ANKRD13C: variants seen among roughly 807,000 people sequenced by gnomAD.
The protein encoded by ANKRD13C is ankyrin repeat domain 13C.
In ANKRD13C, 16 loss-of-function variants were observed where a neutral mutation model predicts 65.5. The ratio of observed to expected loss-of-function variants is 0.24; its 90% CI spans 0.17 to 0.37. The LOEUF (loss-of-function observed/expected upper bound fraction) is 0.37. Among genes scored for constraint, ANKRD13C ranks in the 10% least tolerant of loss-of-function variants. The pLI, the probability that ANKRD13C is intolerant of heterozygous loss-of-function variation, is 1.00. For synonymous variants in ANKRD13C, 235 were observed against 238.7 expected (o/e 0.98, Z 0.14); for missense variants, 503 against 655.9 (o/e 0.77, Z 2.55).
At position 70,270,950 on chromosome 1, in the gene ANKRD13C, C is replaced by T; in HGVS notation, c.1401G>A (p.Leu467=). ...AGGGAGCTACTACTTCTAAAACATTCAATAATCTGAAAAATGGAAGAAGAA... is the reference window on the plus strand; with the variant it reads ...AGGGAGCTACTACTTCTAAAACATTTAATAATCTGAAAAATGGAAGAAGAA... ...QEFPLGIELL[L]NVLEVVAPFK... is the part of the protein sequence containing the mutation. The change falls in exon 12 of 13, where the codon TTG becomes TTA. Residue 467 remains leucine (L), a synonymous_variant. Coordinates refer to ENST00000370944, the MANE Select transcript of ANKRD13C (RefSeq NM_030816.5). The T allele has an allele frequency of 8.8e-6, 14 of 1,598,840 alleles. No homozygotes were observed. The highest frequency in any genetic ancestry group is 1.1e-5 in the Non-Finnish European group (13 of 1,169,248).
chr1:70,313,821 T>A (rs762289024), intron 4 of ANKRD13C, 31 bp from the exon 5 acceptor site: 18 of 1,539,208 alleles, frequency 1.2e-5, no homozygotes, highest in Non-Finnish European at 1.4e-5. Context: ...AATTACTAAA[T>A]GCACCTTAGT....
chr1:70,335,841 A>G (rs1682001722), intron 2 of ANKRD13C, among the ~76,000 whole-genome samples: 1 of 151,676 alleles, frequency 6.6e-6, no homozygotes, highest in Non-Finnish European at 1.5e-5. Flanking sequence ...CATAGTTTCA[A>G]AAGACATAAA....
chr1:70,277,674 G>GAAACAGAGTGTTTTTA lies in ANKRD13C; in HGVS notation c.1216-846_1216-831dup, dbSNP rs1679201141. On this transcript the variant is annotated intron_variant, in intron 9 of 12. Transcript: ENST00000370944. The stretch of plus-strand genomic sequence containing the variant: ...TTGGACTTCAGATTTAAATGAAGAT[G>GAAACAGAGTGTTTTTA]AAACAGAGTGTTTTTAAAACAGAGA... Among the ~76,000 whole-genome samples the GAAACAGAGTGTTTTTA allele has an allele frequency of 3.9e-5, 6 of 152,242 alleles. No individual in the cohort carries two copies. In the South Asian group the frequency reaches 1.2e-3, roughly 32 times the overall value.
At chr1:70,279,391 C>T (rs1679283606) in intron 9 of ANKRD13C, among the ~76,000 whole-genome samples, 1 of 151,972 alleles carries the variant, frequency 6.6e-6, no homozygotes, top group Non-Finnish European at 1.5e-5. Flanking sequence ...CCTTTCCTGT[C>T]CTTGGAAACC....
At chr1:70,273,572 T>C (rs1678989563) in intron 11 of ANKRD13C, among the ~76,000 whole-genome samples, 1 of 152,162 alleles carries the variant, frequency 6.6e-6, no homozygotes, top group Admixed American at 6.5e-5. Flanking sequence ...AGTAGATGAA[T>C]GATAAACAAC....
chr1:70,284,942 G>A (rs1679551204), intron 9 of ANKRD13C, among the ~76,000 whole-genome samples: 1 of 152,080 alleles, frequency 6.6e-6, no homozygotes, highest in Non-Finnish European at 1.5e-5. Context: ...TTAACCTGCA[G>A]AAGCTGAAAT....
At chr1:70,279,905 T>A (rs181042587) in intron 9 of ANKRD13C, among the ~76,000 whole-genome samples, 6 of 152,304 alleles carry the variant, frequency 3.9e-5, no homozygotes, top group African/African-American at 1.2e-4. Flanking sequence ...CGAGAGTCCA[T>A]CTCAACTAAG....
chr1:70,296,201 C>T lies in ANKRD13C; in HGVS notation c.982G>A (p.Ala328Thr). The change falls in exon 8 of 13, where the codon GCA (alanine) becomes ACA (threonine). Residue 328 changes from alanine to threonine, a missense_variant. Coordinates refer to ENST00000370944, the MANE Select transcript of ANKRD13C (RefSeq NM_030816.5). ...DILMSSDIYS[A>T]TLSTKSISFT... is the part of the protein sequence containing the mutation. ...GAAATTGATTTTGTTGATAAAGTTG[C>T]AGAGTAAATATCACTGCTCATTAAA... 1.2e-6 allele frequency: 2 copies of T among 1,613,964 alleles called. No individual in the cohort carries two copies. The highest frequency in any genetic ancestry group is 1.1e-5 in the South Asian group (1 of 91,072).
chr1:70,332,862 T>C (rs1317525480), intron 2 of ANKRD13C, among the ~76,000 whole-genome samples: 2 of 152,002 alleles, frequency 1.3e-5, no homozygotes, highest in Non-Finnish European at 2.9e-5. Flanking sequence ...TATACTTGAG[T>C]GGAAAAATAA....
In ANKRD13C at chr1:70,306,256, T is replaced by G; in HGVS notation, c.744A>C (p.Ala248=). The change falls in exon 6 of 13, where the codon GCA becomes GCC. Residue 248 remains alanine (A), a synonymous_variant. Transcript: ENST00000370944. Reference sequence around the variant, plus strand: ...TGATACCTTGTTTGTATATTTTACATGCATCGGAAGGCAGAATTCGGGAAA... The same window carrying G: ...TGATACCTTGTTTGTATATTTTACAGGCATCGGAAGGCAGAATTCGGGAAA... ...PLLSRILPSD[A]CKIYKQGINI... 1 of 1,583,636 alleles carries G rather than the reference T, an allele frequency of 6.3e-7. No individual in the cohort carries two copies. The highest frequency in any genetic ancestry group is 8.6e-7 in the Non-Finnish European group (1 of 1,163,228).
At chr1:70,335,393 G>A (rs1381337763) in intron 2 of ANKRD13C, among the ~76,000 whole-genome samples, 4 of 147,384 alleles carry the variant, frequency 2.7e-5, no homozygotes, top group African/African-American at 1.0e-4. Context: ...GCAATAGAGC[G>A]AGACTCTGCC....
chr1:70,279,711 T>C (rs1679301973), intron 9 of ANKRD13C, among the ~76,000 whole-genome samples: 1 of 151,932 alleles, frequency 6.6e-6, no homozygotes, highest in Non-Finnish European at 1.5e-5. Context: ...CCATGTTGGC[T>C]GGGCTGGTCT....
chr1:70,300,968 ATAAT>A (rs1680326833), intron 6 of ANKRD13C, 60 bp from the exon 7 acceptor site: 5 of 1,528,290 alleles, frequency 3.3e-6, no homozygotes, highest in African/African-American at 1.4e-5. Flanking sequence ...AACTTCACTA[ATAAT>A]TAAATAAGCT....
At chr1:70,322,226 C>T (rs993535631) in intron 3 of ANKRD13C, among the ~76,000 whole-genome samples, 1 of 151,706 alleles carries the variant, frequency 6.6e-6, no homozygotes, top group Non-Finnish European at 1.5e-5. Context: ...CGCTTGAACT[C>T]GGTCTCAAAA....
At chr1:70,336,031 A>G (rs554200551) in intron 2 of ANKRD13C, 27 bp downstream of exon 2, 2 of 752,946 alleles carry the variant, frequency 2.7e-6, no homozygotes, top group African/African-American at 1.9e-5. Flanking sequence ...ATGAAGTTAA[A>G]CATAAAAAAA....
At chr1:70,348,540 T>G (rs1682624158) in intron 1 of ANKRD13C, among the ~76,000 whole-genome samples, 2 of 152,222 alleles carry the variant, frequency 1.3e-5, no homozygotes, top group Non-Finnish European at 2.9e-5. Flanking sequence ...GTGCTGAGAT[T>G]ACAGGCGTGG....
At chr1:70,278,059 C>G (rs190987939) in intron 9 of ANKRD13C, among the ~76,000 whole-genome samples, 63 of 151,186 alleles carry the variant, frequency 4.2e-4, no homozygotes, top group African/African-American at 1.2e-3. Context: ...TGTGGTGGTG[C>G]GTGCCTGTGG....
At position 70,262,223 on chromosome 1, in the gene ANKRD13C, A is replaced by G. The variant is rs559429420; in HGVS notation, c.*494T>C. ...ATTACTGAACTATACATAATGTTAC[A>G]TAGTTTACATTTTATGAAAACAAAG... On this transcript the variant is annotated 3_prime_UTR_variant, in exon 13 of 13. Transcript: ENST00000370944. 2 of 152,832 alleles carry G rather than the reference A, an allele frequency of 1.3e-5. No homozygotes were observed. The highest frequency in any genetic ancestry group is 3.9e-4 in the East Asian group (2 of 5,194). The allele number at this position is 152,832 out of a possible 1,614,324, so 9.5% of individuals were successfully genotyped here.
At chr1:70,337,918 G>A (rs896126382) in intron 1 of ANKRD13C, among the ~76,000 whole-genome samples, 1 of 152,104 alleles carries the variant, frequency 6.6e-6, no homozygotes, top group African/African-American at 2.4e-5. Flanking sequence ...TGACCAAGAT[G>A]GAGAAGCCCC....
Sources: gnomAD v4.1 joint callset for allele counts (sites outside exome capture counted in the v4.1 genomes callset) on GRCh38, gnomAD v4.1.1 for gene constraint, MANE v1.5 for transcripts, NCBI Gene and HGNC (gene_info 2026-07-23, HGNC 2026-07-21) for gene names.